The following ANKS1B variants were observed in gnomAD, a reference collection of about 807,000 sequenced individuals.
The protein encoded by ANKS1B is ankyrin repeat and sterile alpha motif domain-containing protein 1B.
Under a neutral mutation model 148.3 loss-of-function variants are expected in ANKS1B, and 36 were observed. The ratio of observed to expected loss-of-function variants is 0.24; its 90% confidence interval spans 0.19 to 0.32. The LOEUF is 0.32. Among genes scored for constraint, ANKS1B ranks in the 10% least tolerant of loss-of-function variants. ANKS1B has a pLI of 1.00. For missense variants in ANKS1B, 1,157 were observed against 1,542.6 expected, an observed-to-expected ratio of 0.75 and a Z score of 4.19; for synonymous variants, 542 against 560.8, an observed-to-expected ratio of 0.97 and a Z score of 0.47.
At chr12:99,479,643 C>G (rs1382686554) in intron 10 of ANKS1B, among the ~76,000 whole-genome samples, 6 of 151,868 alleles carry the variant, frequency 4.0e-5, no homozygotes, top group Non-Finnish European at 8.8e-5. Context: ...ACAAATACTG[C>G]ATGACCTCAC....
chr12:98,735,535 T>C, exon 10 of ANKS1B: 1 of 740,122 alleles, frequency 1.4e-6, no homozygotes. Context: ...TTAGGCTTTA[T>C]CAGCTATATG....
chr12:99,488,911 C>T (rs1281214947), intron 10 of ANKS1B, among the ~76,000 whole-genome samples: 1 of 151,974 alleles, frequency 6.6e-6, no homozygotes, highest in Non-Finnish European at 1.5e-5. Context: ...ACAGATCTTG[C>T]CATGATGACA....
chr12:98,887,356 T>G (rs2099742450), intron 17 of ANKS1B, among the ~76,000 whole-genome samples: 1 of 152,162 alleles, frequency 6.6e-6, no homozygotes, highest in Non-Finnish European at 1.5e-5. Context: ...CTGGAAGGGG[T>G]CACAGCAGTG....
At chr12:99,028,291 A>G (rs1177227800) in intron 17 of ANKS1B, among the ~76,000 whole-genome samples, 1 of 152,166 alleles carries the variant, frequency 6.6e-6, no homozygotes, top group African/African-American at 2.4e-5. Flanking sequence ...TTTATTTTCT[A>G]TTGTTTGAAA....
chr12:99,836,107 C>G (rs2153693191), intron 1 of ANKS1B, among the ~76,000 whole-genome samples: 1 of 152,178 alleles, frequency 6.6e-6, no homozygotes, highest in Middle Eastern at 3.4e-3. Context: ...TATGAACTGG[C>G]CTTCTGTGAA....
At chr12:99,593,727 C>A (rs2097727521) in intron 9 of ANKS1B, among the ~76,000 whole-genome samples, 1 of 152,078 alleles carries the variant, frequency 6.6e-6, no homozygotes, top group African/African-American at 2.4e-5. Flanking sequence ...GCCTATCTTA[C>A]TTCAAAGAAT....
At chr12:98,761,982 T>C (rs2098414264) in intron 25 of ANKS1B, among the ~76,000 whole-genome samples, 2 of 152,150 alleles carry the variant, frequency 1.3e-5, no homozygotes, top group African/African-American at 4.8e-5. Flanking sequence ...ACAAATGTAT[T>C]CATTCCATAG....
At chr12:98,835,111 T>TTATTATTA (rs1439098612) in intron 17 of ANKS1B, among the ~76,000 whole-genome samples, 1 of 135,986 alleles carries the variant, frequency 7.4e-6, no homozygotes, top group Admixed American at 6.9e-5. Context: ...ATTATTATTA[T>TTATTATTA]TATTATTATT....
rs74507496 is a variant in ANKS1B, at chr12:99,044,509, G to T, written c.2778+8648C>A. ...GGCATACTGGGAAGCTGAGAGTCCA[G>T]GGCAGGTGAATGGGGTTGGAGATGG... On this transcript the variant is annotated intron_variant, in intron 17 of 26. Coordinates refer to ENST00000683438, the MANE Select transcript of ANKS1B (RefSeq NM_001352186.2). Among the ~76,000 whole-genome samples, 99 of 152,246 alleles carry T rather than the reference G, an allele frequency of 6.5e-4. No homozygotes were observed. The East Asian group carries it at 0.015, about 23-fold the overall frequency.
chr12:98,772,868 C>A, intron 25 of ANKS1B, 174 bp downstream of exon 25: 1 of 641,372 alleles, frequency 1.6e-6, no homozygotes, highest in Non-Finnish European at 2.5e-6. Flanking sequence ...CCATTTAAGC[C>A]TCTCGGTCTG....
intron 12 of ANKS1B, among the ~76,000 whole-genome samples, chr12:99,327,143 AATAATAT>A (rs1341602831): frequency 6.7e-4 from 81 of 121,588 alleles, no homozygotes; most frequent in African/African-American, 1.7e-3. Flanking sequence ...ATTAATATAC[AATAATAT>A]ATAATATATA....
At chr12:99,714,038 GA>G (rs1387829218) in intron 8 of ANKS1B, among the ~76,000 whole-genome samples, 1 of 152,176 alleles carries the variant, frequency 6.6e-6, no homozygotes, top group Admixed American at 6.5e-5. Context: ...TGACATTTAT[GA>G]GTCTTACATG....
chr12:99,329,920 C>T (rs1359767949), intron 12 of ANKS1B, among the ~76,000 whole-genome samples: 1 of 151,826 alleles, frequency 6.6e-6, no homozygotes, highest in Non-Finnish European at 1.5e-5. Context: ...ATTTCCAGAG[C>T]TCCCACCCTC....
chr12:99,926,775 C>T (rs189638642), intron 1 of ANKS1B, among the ~76,000 whole-genome samples: 4 of 152,318 alleles, frequency 2.6e-5, no homozygotes, highest in East Asian at 1.9e-4. Flanking sequence ...TAAAGCATCC[C>T]GCCTAAATAG....
intron 17 of ANKS1B, among the ~76,000 whole-genome samples, chr12:98,880,274 C>A (rs2099703589): frequency 6.6e-6 from 1 of 152,070 alleles, no homozygotes; most frequent in Non-Finnish European, 1.5e-5. Context: ...AACAAATATT[C>A]ATTAAAATAA....
chr12:98,965,331 T>C (rs1164272793), intron 17 of ANKS1B, among the ~76,000 whole-genome samples: 2 of 152,166 alleles, frequency 1.3e-5, no homozygotes, highest in African/African-American at 4.8e-5. Flanking sequence ...ACCAGATTCA[T>C]GTTTGTTGCA....
chr12:99,356,732 G>A (rs1444626300), intron 12 of ANKS1B, among the ~76,000 whole-genome samples: 1 of 152,076 alleles, frequency 6.6e-6, no homozygotes, highest in Non-Finnish European at 1.5e-5. Context: ...TAAGACAGAT[G>A]GTTGTTAATG....
intron 19 of ANKS1B, among the ~76,000 whole-genome samples, chr12:98,811,121 A>C (rs1268102654): frequency 6.6e-6 from 1 of 152,166 alleles, no homozygotes; most frequent in Non-Finnish European, 1.5e-5. Flanking sequence ...TGCTCTACGT[A>C]GCAGCTGCTC....
Position 99,936,512 on chromosome 12 carries a change from A to C in ANKS1B, c.134+47592T>G, listed in dbSNP as rs188386996. On this transcript the variant is annotated intron_variant, in intron 1 of 26. Coordinates refer to ENST00000683438, the MANE Select transcript of ANKS1B (RefSeq NM_001352186.2). ...AAATGGATAATTACAGTTGCAACTGAGAAACCTCCCATATTTGGTAACTGT... is the reference window on the plus strand; with the variant it reads ...AAATGGATAATTACAGTTGCAACTGCGAAACCTCCCATATTTGGTAACTGT... Among the ~76,000 whole-genome samples the C allele has an allele frequency of 1.4e-3, 219 of 152,262 alleles. 1 individual carries two copies. The highest frequency in any genetic ancestry group is 5.1e-3 in the African/African-American group (213 of 41,570).
Sources: gnomAD v4.1 joint callset for allele counts (sites outside exome capture counted in the v4.1 genomes callset) on GRCh38, gnomAD v4.1.1 for gene constraint, MANE v1.5 for transcripts, NCBI Gene and HGNC (gene_info 2026-07-23, HGNC 2026-07-21) for gene names.